Variants in PCDHGA8 observed in about 807,000 individuals in gnomAD.
PCDHGA8 encodes protocadherin gamma subfamily A, 8.
A neutral mutation model predicts 59.2 loss-of-function variants in PCDHGA8; 45 were observed. The observed-to-expected ratio is 0.76, with a 90% CI of 0.60 to 0.98. PCDHGA8 has a LOEUF of 0.98. PCDHGA8 is among the 50% of genes least tolerant of loss of function. The probability of loss-of-function intolerance (pLI) is 0.00; values close to 1 mark genes in which losing one functional copy is unlikely to be tolerated. For missense variants in PCDHGA8, 1,257 were observed against 1,196.2 expected, an observed-to-expected ratio of 1.05 and a Z score of -0.75; for synonymous variants, 531 against 519.0, an observed-to-expected ratio of 1.02 and a Z score of -0.32.
intron 1 of PCDHGA8, chr5:141,423,081 C>A: frequency 6.2e-7 from 1 of 1,614,084 alleles, no homozygotes; most frequent in South Asian, 1.1e-5. Context: ...CGGGACTCTT[C>A]GCGGTGGGGG....
chr5:141,445,890 T>C (rs1435563284), intron 1 of PCDHGA8, among the ~76,000 whole-genome samples: 1 of 152,210 alleles, frequency 6.6e-6, no homozygotes, highest in Non-Finnish European at 1.5e-5. Context: ...ACTTAGGAGC[T>C]ATTAAAATAT....
At chr5:141,410,058 T>C in intron 1 of PCDHGA8, 1 of 1,613,016 alleles carries the variant, frequency 6.2e-7, no homozygotes, top group Non-Finnish European at 8.5e-7. Context: ...CTCTTCAGCC[T>C]GGGGCTGCGC....
At chr5:141,435,954 G>A (rs1163590812) in intron 1 of PCDHGA8, among the ~76,000 whole-genome samples, 2 of 152,092 alleles carry the variant, frequency 1.3e-5, no homozygotes, top group African/African-American at 2.4e-5. Flanking sequence ...AAAAAAGGGG[G>A]CAAAATATAG....
At chr5:141,413,592 A>G in intron 1 of PCDHGA8, 1 of 1,613,916 alleles carries the variant, frequency 6.2e-7, no homozygotes, top group Non-Finnish European at 8.5e-7. Context: ...AATTCCAAGC[A>G]GAAAATCTAG....
In PCDHGA8 at chr5:141,393,090, G is replaced by T; in HGVS notation, c.277G>T (p.Glu93Ter). The T allele has an allele frequency of 6.2e-7, 1 of 1,613,626 alleles. No individual in the cohort carries two copies. Among genetic ancestry groups the T allele is most frequent in the South Asian group, 1.1e-5 (1 of 91,078 alleles). Residue 93 changes from glutamate to a stop codon, truncating the protein, a stop_gained, in exon 1 of 4, where the codon GAG (glutamate) becomes TAG (stop). Transcript: ENST00000398604. LOFTEE classifies it high-confidence loss of function. ...SLITAGRIDR[E>*]ELCAQSPRCL... is the part of the protein sequence containing the mutation. ...GATCACCGCGGGCAGGATAGATCGGGAGGAGCTCTGCGCTCAGAGCCCGCG... is the reference window on the plus strand; with the variant it reads ...GATCACCGCGGGCAGGATAGATCGGTAGGAGCTCTGCGCTCAGAGCCCGCG...
chr5:141,450,931 T>G (rs571428678), intron 1 of PCDHGA8, among the ~76,000 whole-genome samples: 2 of 151,650 alleles, frequency 1.3e-5, no homozygotes, highest in African/African-American at 4.8e-5. Flanking sequence ...TTCAAGCAAT[T>G]CTCCTACCTC....
At chr5:141,482,458 C>T (rs986628162) in intron 1 of PCDHGA8, among the ~76,000 whole-genome samples, 1 of 147,624 alleles carries the variant, frequency 6.8e-6, no homozygotes, top group Non-Finnish European at 1.5e-5. Context: ...ATTAGCATCC[C>T]TATGTGCCAG....
chr5:141,476,483 G>T lies in PCDHGA8; in HGVS notation c.2425-18324G>T. On this transcript the variant is annotated intron_variant, in intron 1 of 3. Coordinates refer to ENST00000398604, the MANE Select transcript of PCDHGA8 (RefSeq NM_032088.2). The surrounding 1 kb of genome is among the most constrained non-coding windows in gnomAD (Gnocchi z 7.6). ...CCCGCTGGAGCTGTTCAGCGTGGAA[G>T]TGGTGATCCAGGACATCAACGACAA... 6.2e-7 allele frequency: 1 copy of T among 1,614,166 alleles called. No homozygotes were observed. The highest frequency in any genetic ancestry group is 8.5e-7 in the Non-Finnish European group (1 of 1,180,034).
At chr5:141,447,263 C>A (rs953578064) in intron 1 of PCDHGA8, among the ~76,000 whole-genome samples, 1 of 152,116 alleles carries the variant, frequency 6.6e-6, no homozygotes, top group Non-Finnish European at 1.5e-5. Context: ...TCTCAGCCTC[C>A]CAAGTAGCTG....
rs773484841 is a variant in PCDHGA8 at position 141,432,092 on chromosome 5, A to G, written c.2424+36855A>G. 4.3e-6 allele frequency: 7 copies of G among 1,614,104 alleles called. No individual in the cohort carries two copies. The East Asian group carries it at 1.6e-4, about 36-fold the overall frequency. On this transcript the variant is annotated intron_variant, in intron 1 of 3. Transcript: ENST00000398604. The surrounding 1 kb of genome is among the most constrained non-coding windows in gnomAD (Gnocchi z 6.0). Reference sequence around the variant, plus strand: ...TCATATCTCGCTGAACGTGGCAGACACCAACGACAACCCGCCGGTCTTCCC... The same window carrying G: ...TCATATCTCGCTGAACGTGGCAGACGCCAACGACAACCCGCCGGTCTTCCC...
At chr5:141,441,862 G>A (rs2098280399) in intron 1 of PCDHGA8, 3 of 342,456 alleles carry the variant, frequency 8.8e-6, no homozygotes, top group Non-Finnish European at 1.1e-5. Context: ...GCTGCACGCC[G>A]CGGAGCCTGG....
Position 141,432,098 on chromosome 5 carries a change from G to C in PCDHGA8, c.2424+36861G>C, listed in dbSNP as rs771050429. The C allele has an allele frequency of 1.9e-6, 3 of 1,613,938 alleles. No homozygotes were observed. The highest frequency in any genetic ancestry group is 1.7e-5 in the Admixed American group (1 of 59,992). On this transcript the variant is annotated intron_variant, in intron 1 of 3. Transcript: ENST00000398604. The surrounding 1 kb of genome is among the most constrained non-coding windows in gnomAD (Gnocchi z 6.0). ...CTCGCTGAACGTGGCAGACACCAAC[G>C]ACAACCCGCCGGTCTTCCCTCAGGC...
At chr5:141,407,243 C>G (rs1191688729) in intron 1 of PCDHGA8, among the ~76,000 whole-genome samples, 1 of 152,168 alleles carries the variant, frequency 6.6e-6, no homozygotes, top group African/African-American at 2.4e-5. Context: ...AAGCATACTT[C>G]AGGCTCATAT....
At position 141,511,127 on chromosome 5, in the gene PCDHGA8, G is replaced by C; in HGVS notation, c.2753G>C (p.Gly918Ala). 1 of 1,614,194 alleles carries C rather than the reference G, an allele frequency of 6.2e-7. No individual in the cohort carries two copies. Among genetic ancestry groups the C allele is most frequent in the Non-Finnish European group, 8.5e-7 (1 of 1,180,018 alleles). The change falls in exon 4 of 4, where the codon GGT becomes GCT. Residue 918 changes from glycine to alanine, a missense_variant. Coordinates refer to ENST00000398604, the MANE Select transcript of PCDHGA8 (RefSeq NM_032088.2). ...AGKRDGKAPA[G>A]GNGNKKKSGK... ...AAGCGGGATGGCAAGGCCCCAGCAG[G>C]TGGCAATGGCAACAAGAAGAAGTCG...
intron 1 of PCDHGA8, chr5:141,404,057 T>C (rs558471539): frequency 1.2e-5 from 19 of 1,613,894 alleles, no homozygotes; most frequent in Non-Finnish European, 1.4e-5. Context: ...AATTCTTCTT[T>C]TCAATGCTCA....
chr5:141,475,162 G>T (rs949339969), intron 1 of PCDHGA8, among the ~76,000 whole-genome samples: 2 of 152,034 alleles, frequency 1.3e-5, no homozygotes, highest in South Asian at 4.1e-4. Flanking sequence ...TTCTTCATTA[G>T]CAGTGCAACT....
intron 1 of PCDHGA8, chr5:141,423,463 G>C (rs772779471): frequency 1.2e-6 from 2 of 1,613,874 alleles, no homozygotes; most frequent in South Asian, 2.2e-5. Context: ...AGGCGTGGAC[G>C]GGGTACAGGC....
At position 141,393,412 on chromosome 5, in the gene PCDHGA8, T is replaced by A. The variant is rs1382243931; in HGVS notation, c.599T>A (p.Leu200Gln). 1.9e-6 allele frequency: 3 copies of A among 1,614,032 alleles called. No homozygotes were observed. The highest frequency in any genetic ancestry group is 1.1e-5 in the South Asian group (1 of 91,088). The change falls in exon 1 of 4, where the codon CTG (leucine) becomes CAG (glutamine). Residue 200 changes from leucine (L) to glutamine (Q), a missense_variant. Coordinates refer to ENST00000398604, the MANE Select transcript of PCDHGA8 (RefSeq NM_032088.2). ...CCAGAGCTGGTGCTGGAGCGCGCCC[T>A]GGACAGGGAGGAAGAGGCTGCTCAC... ...INPELVLERALDREEEAAHHL... is the reference protein window; with the variant it reads ...INPELVLERAQDREEEAAHHL...
At chr5:141,403,945 A>C in intron 1 of PCDHGA8, 3 of 1,613,926 alleles carry the variant, frequency 1.9e-6, no homozygotes, top group Non-Finnish European at 2.5e-6. Flanking sequence ...AAGGGTGGAC[A>C]AAAGTGCTCA....
Sources: allele counts gnomAD v4.1 joint callset (sites outside exome capture counted in the v4.1 genomes callset), GRCh38; gene constraint gnomAD v4.1.1; non-coding constraint Gnocchi (gnomAD v3.1); transcripts MANE v1.5; gene names NCBI Gene and HGNC (gene_info 2026-07-23, HGNC 2026-07-21).